Variants in MGMT observed in about 807,000 individuals in gnomAD.
The protein encoded by MGMT is methylated-DNA--protein-cysteine methyltransferase.
A neutral mutation model predicts 15.9 loss-of-function variants in MGMT; 14 were observed. The observed-to-expected ratio is 0.88, with a 90% CI of 0.58 to 1.37. The LOEUF is 1.37. Among genes scored for constraint, MGMT ranks in the 40% most tolerant of loss-of-function variants. MGMT has a pLI of 0.00. For missense variants in MGMT, 282 were observed against 268.1 expected (o/e 1.05, Z -0.36); for synonymous variants, 130 against 118.2 (o/e 1.10, Z -0.65).
At chr10:129,519,532 G>A (rs886228951) in intron 1 of MGMT, among the ~76,000 whole-genome samples, 2 of 152,164 alleles carry the variant, frequency 1.3e-5, no homozygotes, top group African/African-American at 4.8e-5. Flanking sequence ...CCAGGAGCAC[G>A]AGACCTTTAC....
intron 2 of MGMT, among the ~76,000 whole-genome samples, chr10:129,643,468 G>A (rs960082570): frequency 1.3e-5 from 2 of 152,170 alleles, no homozygotes; most frequent in Non-Finnish European, 2.9e-5. Flanking sequence ...GTTTGAGCTG[G>A]GCCAGGGCAC....
rs1331577873 is a variant in MGMT at position 129,769,163 on chromosome 10, T to C, written c.*2166T>C. 1 of 152,222 alleles carries C rather than the reference T, an allele frequency of 6.6e-6. No individual in the cohort carries two copies. Among genetic ancestry groups the C allele is most frequent in the East Asian group, 1.9e-4 (1 of 5,162 alleles). 9.4% of individuals were successfully genotyped at this position (152,222 alleles called of 1,614,324 possible). On this transcript the variant is annotated 3_prime_UTR_variant, in exon 5 of 5. Coordinates refer to ENST00000651593, the MANE Select transcript of MGMT (RefSeq NM_002412.5). Reference sequence around the variant, plus strand: ...GGTGCAGTACAAAACCATGTTCTGCTTCCTCTCCGAGGGTTTCCGCGGCCC... The same window carrying C: ...GGTGCAGTACAAAACCATGTTCTGCCTCCTCTCCGAGGGTTTCCGCGGCCC...
intron 1 of MGMT, among the ~76,000 whole-genome samples, chr10:129,529,130 A>G (rs1443945169): frequency 1.3e-5 from 2 of 149,850 alleles, no homozygotes; most frequent in African/African-American, 5.0e-5. Context: ...GGTAGAGCGG[A>G]GGCTGTGAAG....
At chr10:129,584,965 G>GTA (rs776947029) in intron 2 of MGMT, among the ~76,000 whole-genome samples, 11 of 152,098 alleles carry the variant, frequency 7.2e-5, no homozygotes, top group Non-Finnish European at 1.5e-4. Context: ...TTCTCTTGGG[G>GTA]TATATATACA....
intron 2 of MGMT, among the ~76,000 whole-genome samples, chr10:129,688,955 T>C (rs1160713323): frequency 6.6e-6 from 1 of 152,092 alleles, no homozygotes; most frequent in Non-Finnish European, 1.5e-5. Context: ...ATGTGTTCTT[T>C]TCTATCTTTT....
In MGMT at chr10:129,524,899, C is replaced by T. The variant is rs144788177; in HGVS notation, c.-12-11342C>T. Among the ~76,000 whole-genome samples the T allele has an allele frequency of 5.4e-4, 82 of 152,148 alleles. 2 individuals carry two copies. The highest frequency in any genetic ancestry group is 1.8e-3 in the African/African-American group (76 of 41,506). On this transcript the variant is annotated intron_variant, in intron 1 of 4. Coordinates refer to ENST00000651593, the MANE Select transcript of MGMT (RefSeq NM_002412.5). ...GCCACCGCACCCGGCCCCAGAAAGA[C>T]GTTTATAGGCTCATCTTGACAGTGT...
chr10:129,633,405 A>G (rs568048390), intron 2 of MGMT, among the ~76,000 whole-genome samples: 89 of 152,350 alleles, frequency 5.8e-4, no homozygotes, highest in African/African-American at 1.9e-3. Context: ...GAGCAGGCAC[A>G]TTAGAGTTAC....
intron 1 of MGMT, among the ~76,000 whole-genome samples, chr10:129,493,689 G>A (rs7924127): frequency 0.087 from 13,166 of 152,208 alleles, 727 homozygotes; most frequent in East Asian, 0.28. Flanking sequence ...GTCACTGTGC[G>A]CCAGGCCCAG....
At chr10:129,657,706 C>CACAT (rs1564750855) in intron 2 of MGMT, among the ~76,000 whole-genome samples, 13 of 121,060 alleles carry the variant, frequency 1.1e-4, no homozygotes, top group Non-Finnish European at 2.0e-4. Context: ...CACACACACA[C>CACAT]GCACACACAC....
At chr10:129,587,699 G>A (rs911004623) in intron 2 of MGMT, among the ~76,000 whole-genome samples, 6 of 151,586 alleles carry the variant, frequency 4.0e-5, no homozygotes, top group Non-Finnish European at 8.8e-5. Flanking sequence ...GCTTCCCAAA[G>A]TGCTGGGATT....
chr10:129,767,302 G>A lies in MGMT; in HGVS notation c.*305G>A, dbSNP rs1225270518. 1.7e-5 allele frequency: 4 copies of A among 233,334 alleles called. No individual in the cohort carries two copies. Among genetic ancestry groups the A allele is most frequent in the East Asian group, 2.0e-4 (2 of 9,978 alleles). The allele number at this position is 233,334 out of a possible 1,614,324, so 14.5% of individuals were successfully genotyped here. A position where few individuals can be genotyped will look rare whatever the true frequency, so the allele number is the denominator to read the frequency against. On this transcript the variant is annotated 3_prime_UTR_variant, in exon 5 of 5. Coordinates refer to ENST00000651593, the MANE Select transcript of MGMT (RefSeq NM_002412.5). ...GGATGGGGCAGTCTGGCACCCTCAG[G>A]CCACAGACGGCTGCCATAGCCGCTG...
At chr10:129,697,981 G>T (rs2133133119) in intron 2 of MGMT, among the ~76,000 whole-genome samples, 1 of 152,342 alleles carries the variant, frequency 6.6e-6, no homozygotes, top group Non-Finnish European at 1.5e-5. Flanking sequence ...GCGGTCAGTA[G>T]CCTGTAGCGG....
intron 1 of MGMT, among the ~76,000 whole-genome samples, chr10:129,499,251 C>A (rs936549131): frequency 6.6e-6 from 1 of 152,126 alleles, no homozygotes; most frequent in Admixed American, 6.5e-5. Flanking sequence ...CTATAGAATT[C>A]TCTGTAAACA....
intron 3 of MGMT, among the ~76,000 whole-genome samples, chr10:129,731,207 G>A (rs1848492531): frequency 9.8e-6 from 1 of 101,616 alleles, no homozygotes; most frequent in African/African-American, 4.2e-5. Flanking sequence ...GCCCTGCCAG[G>A]CCCGGTCGGG....
intron 2 of MGMT, among the ~76,000 whole-genome samples, chr10:129,658,557 A>G (rs1318378162): frequency 1.3e-5 from 2 of 152,184 alleles, no homozygotes; most frequent in African/African-American, 4.8e-5. Context: ...TGAGTTTTTC[A>G]CATATCTAAA....
At position 129,556,352 on chromosome 10, in the gene MGMT, G is replaced by A. The variant is rs758147594; in HGVS notation, c.125+19975G>A. 7.9e-5 allele frequency among the ~76,000 whole-genome samples: 12 copies of A among 152,168 alleles called. No individual in the cohort carries two copies. Among genetic ancestry groups the A allele is most frequent in the Non-Finnish European group, 1.0e-4 (7 of 68,034 alleles). ...GAGGAGCCCCTCACCCAGTGTGACCGGTGTCCCCATGAGATGGAGGTTGTG... is the reference window on the plus strand; with the variant it reads ...GAGGAGCCCCTCACCCAGTGTGACCAGTGTCCCCATGAGATGGAGGTTGTG... On this transcript the variant is annotated intron_variant, in intron 2 of 4. Coordinates refer to ENST00000651593, the MANE Select transcript of MGMT (RefSeq NM_002412.5). This position sits in a 1 kb window ranked among gnomAD's most constrained non-coding sequence, Gnocchi z 4.3.
intron 1 of MGMT, among the ~76,000 whole-genome samples, chr10:129,526,444 C>G (rs76476708): frequency 2.6e-5 from 4 of 152,202 alleles, no homozygotes; most frequent in East Asian, 1.9e-4. Flanking sequence ...CACACAGACC[C>G]GAAGCCCAGG....
chr10:129,542,145 C>T (rs527731104), intron 2 of MGMT, among the ~76,000 whole-genome samples: 15 of 152,272 alleles, frequency 9.9e-5, no homozygotes, highest in South Asian at 6.2e-4. Flanking sequence ...TTGAGCTTCC[C>T]GAAGGGCAGC....
At chr10:129,470,698 C>A (rs1845220994) in intron 1 of MGMT, among the ~76,000 whole-genome samples, 1 of 152,172 alleles carries the variant, frequency 6.6e-6, no homozygotes, top group Non-Finnish European at 1.5e-5. Context: ...AATAGGCCGC[C>A]CTGGGAGCTG....
Sources: gnomAD v4.1 joint callset for allele counts (sites outside exome capture counted in the v4.1 genomes callset) on GRCh38, gnomAD v4.1.1 for gene constraint, Gnocchi (gnomAD v3.1) non-coding constraint, MANE v1.5 for transcripts, NCBI Gene and HGNC (gene_info 2026-07-23, HGNC 2026-07-21) for gene names.